The following RANBP17 variants were observed in gnomAD, a reference collection of about 807,000 sequenced individuals.
RANBP17 encodes RAN binding protein 17.
A neutral mutation model predicts 141.2 loss-of-function variants in RANBP17; 158 were observed. The observed-to-expected ratio is 1.12, with a 90% CI of 0.98 to 1.28. RANBP17 has a LOEUF of 1.28. RANBP17 is among the 50% of genes most tolerant of loss of function. RANBP17 has a pLI of 0.00. For synonymous variants in RANBP17, 430 were observed against 450.0 expected (o/e 0.96, Z 0.56); for missense variants, 1,438 against 1,290.7 (o/e 1.11, Z -1.75).
chr5:170,897,083 G>A (rs1770193331), intron 5 of RANBP17: 8 of 834,366 alleles, frequency 9.6e-6, no homozygotes, highest in South Asian at 3.9e-5. Flanking sequence ...GATACCAGCT[G>A]TCTTGATTGA....
At chr5:171,124,410 A>G (rs1756275049) in intron 14 of RANBP17, among the ~76,000 whole-genome samples, 1 of 152,162 alleles carries the variant, frequency 6.6e-6, no homozygotes, top group African/African-American at 2.4e-5. Flanking sequence ...TAGAAGGGGA[A>G]GAGATGGAAA....
intron 14 of RANBP17, among the ~76,000 whole-genome samples, chr5:171,096,632 T>G (rs1786713628): frequency 6.6e-6 from 1 of 152,124 alleles, no homozygotes; most frequent in African/African-American, 2.4e-5. Context: ...AGAAAAAGAT[T>G]AGGATAATAA....
intron 14 of RANBP17, among the ~76,000 whole-genome samples, chr5:171,065,136 T>G (rs938642413): frequency 3.9e-5 from 6 of 152,196 alleles, no homozygotes; most frequent in Non-Finnish European, 8.8e-5. Flanking sequence ...CTTTTTATAT[T>G]TATATCTCTG....
At chr5:171,080,701 C>G (rs1273272639) in intron 14 of RANBP17, among the ~76,000 whole-genome samples, 2 of 152,174 alleles carry the variant, frequency 1.3e-5, no homozygotes, top group African/African-American at 4.8e-5. Flanking sequence ...TTAAGGACTT[C>G]AACCTTTTAC....
chr5:171,272,437 A>G (rs896310705), intron 25 of RANBP17, among the ~76,000 whole-genome samples: 6 of 152,290 alleles, frequency 3.9e-5, no homozygotes, highest in Admixed American at 2.0e-4. Flanking sequence ...TTACATATGC[A>G]TTATCTGGTT....
chr5:171,046,469 A>G (rs928062921), intron 14 of RANBP17, among the ~76,000 whole-genome samples: 4 of 151,894 alleles, frequency 2.6e-5, no homozygotes, highest in Non-Finnish European at 5.9e-5. Context: ...CAGCCTCCCA[A>G]AGTGCTGGGA....
chr5:171,214,489 T>C lies in RANBP17; in HGVS notation c.2339+751T>C, dbSNP rs556436159. 1.2e-3 allele frequency among the ~76,000 whole-genome samples: 189 copies of C among 152,304 alleles called. 1 individual carries two copies. The highest frequency in any genetic ancestry group is 1.7e-3 in the South Asian group (8 of 4,828). On this transcript the variant is annotated intron_variant, in intron 21 of 27. Coordinates refer to ENST00000523189, the MANE Select transcript of RANBP17 (RefSeq NM_022897.5). Reference sequence around the variant, plus strand: ...CATGTCACTTAGCCATCCTGTTTCATGAGTTGCCCTTTGTAAACTATGTGT... The same window carrying C: ...CATGTCACTTAGCCATCCTGTTTCACGAGTTGCCCTTTGTAAACTATGTGT...
intron 14 of RANBP17, among the ~76,000 whole-genome samples, chr5:171,145,339 G>C (rs1757965253): frequency 6.6e-6 from 1 of 151,984 alleles, no homozygotes; most frequent in Non-Finnish European, 1.5e-5. Context: ...CCAAACCTTA[G>C]ATCACCTGTG....
At chr5:170,951,127 C>T (rs1469338941) in intron 12 of RANBP17, among the ~76,000 whole-genome samples, 1 of 151,862 alleles carries the variant, frequency 6.6e-6, no homozygotes, top group Admixed American at 6.6e-5. Context: ...TACAAACATA[C>T]AGTTAGATAA....
intron 24 of RANBP17, 138 bp downstream of exon 24, chr5:171,242,958 T>G: frequency 2.6e-6 from 2 of 774,464 alleles, no homozygotes; most frequent in East Asian, 5.0e-5. Flanking sequence ...AATTATTACT[T>G]GCAAGTGGGA....
At chr5:171,215,118 T>C (rs1485690394) in intron 21 of RANBP17, among the ~76,000 whole-genome samples, 1 of 151,344 alleles carries the variant, frequency 6.6e-6, no homozygotes, top group Non-Finnish European at 1.5e-5. Flanking sequence ...TGTGATCTCA[T>C]TGTTCAACTA....
intron 14 of RANBP17, among the ~76,000 whole-genome samples, chr5:171,024,525 C>T (rs1172864376): frequency 6.6e-6 from 1 of 152,116 alleles, no homozygotes; most frequent in Non-Finnish European, 1.5e-5. Context: ...AAAAGAAGCA[C>T]ACCACTTGCT....
At chr5:171,180,511 A>T (rs981123770) in intron 16 of RANBP17, among the ~76,000 whole-genome samples, 1 of 152,172 alleles carries the variant, frequency 6.6e-6, no homozygotes, top group Admixed American at 6.5e-5. Flanking sequence ...GCCATAATTT[A>T]TCTAGTGCTC....
At chr5:170,864,333 C>T (rs909001418) in intron 1 of RANBP17, among the ~76,000 whole-genome samples, 4 of 152,142 alleles carry the variant, frequency 2.6e-5, no homozygotes, top group Admixed American at 6.5e-5. Flanking sequence ...ACATCTTTTT[C>T]ACATCATGAC....
At chr5:170,907,737 A>G (rs1398848418) in intron 5 of RANBP17, among the ~76,000 whole-genome samples, 2 of 152,026 alleles carry the variant, frequency 1.3e-5, no homozygotes, top group Non-Finnish European at 2.9e-5. Flanking sequence ...ATATATGAAG[A>G]ATACTTTATA....
intron 1 of RANBP17, among the ~76,000 whole-genome samples, chr5:170,871,784 C>T (rs967074937): frequency 1.3e-5 from 2 of 152,118 alleles, no homozygotes; most frequent in Non-Finnish European, 2.9e-5. Flanking sequence ...GAATTCTCTC[C>T]CCATTGCTTG....
At chr5:171,024,186 T>A (rs1031530573) in intron 14 of RANBP17, among the ~76,000 whole-genome samples, 6 of 152,244 alleles carry the variant, frequency 3.9e-5, no homozygotes, top group East Asian at 3.9e-4. Flanking sequence ...TAATTTAAGA[T>A]AATAGAGAAT....
At chr5:171,156,795 T>C (rs921184850) in intron 14 of RANBP17, among the ~76,000 whole-genome samples, 1 of 152,188 alleles carries the variant, frequency 6.6e-6, no homozygotes. Flanking sequence ...AAAGTCTTTT[T>C]TTAAAGAATT....
intron 5 of RANBP17, among the ~76,000 whole-genome samples, chr5:170,900,693 C>T (rs1363135716): frequency 2.6e-5 from 4 of 152,142 alleles, no homozygotes; most frequent in Non-Finnish European, 5.9e-5. Context: ...AGCTGTGTCC[C>T]AGAGATTCTG....
Sources: allele counts gnomAD v4.1 joint callset (sites outside exome capture counted in the v4.1 genomes callset), GRCh38; gene constraint gnomAD v4.1.1; transcripts MANE v1.5; gene names NCBI Gene and HGNC (gene_info 2026-07-23, HGNC 2026-07-21).